Variants in INPP4B observed in about 807,000 individuals in gnomAD.
INPP4B encodes inositol polyphosphate 4-phosphatase type II.
INPP4B carries 55 observed loss-of-function variants against 122.5 expected under a neutral mutation model. That is an observed-to-expected ratio of 0.45 (90% CI 0.36 to 0.56). The LOEUF (loss-of-function observed/expected upper bound fraction) is 0.56, where lower values mean the gene tolerates loss of function less well. Ranked by LOEUF, INPP4B falls within the 20% of genes least tolerant of loss-of-function variation. The pLI, the probability that INPP4B is intolerant of heterozygous loss-of-function variation, is 0.00. For synonymous variants in INPP4B, 403 were observed against 388.7 expected (o/e 1.04, Z -0.43); for missense variants, 1,000 against 1,097.7 (o/e 0.91, Z 1.26).
intron 15 of INPP4B, among the ~76,000 whole-genome samples, chr4:142,177,734 T>C (rs2636673): frequency 0.99 from 150,419 of 152,192 alleles, 74,363 homozygotes; most frequent in East Asian, 1. Flanking sequence ...TGTGTGTATA[T>C]GTTGTTACTA....
At chr4:142,191,330 G>C (rs1227466654) in intron 15 of INPP4B, among the ~76,000 whole-genome samples, 3 of 152,178 alleles carry the variant, frequency 2.0e-5, no homozygotes, top group Admixed American at 6.5e-5. Context: ...GAAAGCCAAA[G>C]AACCTGGAAC....
chr4:142,274,990 A>G (rs575482435), intron 9 of INPP4B, among the ~76,000 whole-genome samples: 1 of 151,920 alleles, frequency 6.6e-6, no homozygotes, highest in South Asian at 2.1e-4. Context: ...AATTTCAGCA[A>G]CACAAATCTA....
intron 2 of INPP4B, among the ~76,000 whole-genome samples, chr4:142,624,201 C>T (rs1445794265): frequency 1.3e-5 from 2 of 151,972 alleles, no homozygotes; most frequent in Non-Finnish European, 2.9e-5. Flanking sequence ...TAAAGTGTTC[C>T]TATTTCTCCA....
At chr4:142,340,882 C>A (rs980972509) in intron 7 of INPP4B, among the ~76,000 whole-genome samples, 89 of 152,044 alleles carry the variant, frequency 5.9e-4, no homozygotes, top group African/African-American at 2.1e-3. Context: ...TCTTTAAGTA[C>A]CATCTGGAGA....
chr4:142,383,826 C>A, intron 7 of INPP4B: 4 of 446,982 alleles, frequency 8.9e-6, no homozygotes, highest in South Asian at 4.9e-5. Flanking sequence ...TATAGAGGAC[C>A]TTGACTTTAT....
chr4:142,324,803 G>A (rs920018689), intron 7 of INPP4B, among the ~76,000 whole-genome samples: 3 of 152,016 alleles, frequency 2.0e-5, no homozygotes, highest in African/African-American at 7.3e-5. Flanking sequence ...CTTTGACCTG[G>A]TTCTCCAGCC....
chr4:142,243,694 A>G (rs1412867919), intron 11 of INPP4B, among the ~76,000 whole-genome samples: 1 of 152,184 alleles, frequency 6.6e-6, no homozygotes, highest in Non-Finnish European at 1.5e-5. Flanking sequence ...ATAGGAAAAA[A>G]TTTGGCATTT....
Position 142,502,309 on chromosome 4 carries a change from A to T in INPP4B, c.-190-39583T>A, listed in dbSNP as rs556146409. On this transcript the variant is annotated intron_variant, in intron 2 of 25. Transcript: ENST00000262992. ...CAGAGCTAACATTCTTTTCTGCTGAACCCAAATTTTTAGCCTTAGCCTTGA... is the reference window on the plus strand; with the variant it reads ...CAGAGCTAACATTCTTTTCTGCTGATCCCAAATTTTTAGCCTTAGCCTTGA... 2.3e-3 allele frequency among the ~76,000 whole-genome samples: 344 copies of T among 152,180 alleles called. 2 individuals carry two copies. Among genetic ancestry groups the T allele is most frequent in the Non-Finnish European group, 3.7e-3 (253 of 67,998 alleles).
chr4:142,446,804 A>G (rs565719268), intron 3 of INPP4B, among the ~76,000 whole-genome samples: 1 of 152,206 alleles, frequency 6.6e-6, no homozygotes, highest in African/African-American at 2.4e-5. Flanking sequence ...TAAACACTGT[A>G]AAACAATACT....
At chr4:142,604,346 C>T (rs1319458970) in intron 2 of INPP4B, among the ~76,000 whole-genome samples, 1 of 152,032 alleles carries the variant, frequency 6.6e-6, no homozygotes, top group East Asian at 1.9e-4. Flanking sequence ...TTTACTACTC[C>T]TATTTATCAT....
chr4:142,546,711 T>C (rs543127684), intron 2 of INPP4B, among the ~76,000 whole-genome samples: 2 of 152,228 alleles, frequency 1.3e-5, no homozygotes, highest in South Asian at 4.1e-4. Flanking sequence ...CAAAGTAGAG[T>C]CTTCATATTG....
At chr4:142,553,961 TG>T (rs1326458039) in intron 2 of INPP4B, among the ~76,000 whole-genome samples, 1 of 151,954 alleles carries the variant, frequency 6.6e-6, no homozygotes, top group African/African-American at 2.4e-5. Flanking sequence ...GAGGCCGAAG[TG>T]GGCAGATCAC....
chr4:142,667,539 A>C (rs1756311338), intron 2 of INPP4B, among the ~76,000 whole-genome samples: 1 of 152,178 alleles, frequency 6.6e-6, no homozygotes, highest in Admixed American at 6.5e-5. Context: ...TACAAATTGC[A>C]TAGAAAAATG....
rs539728274 is a variant in INPP4B, at chr4:142,497,461, A to G, written c.-190-34735T>C. ...AATAATGAAAACCTCAAATTTATACAGAGGCAATTATGATCTCCAATACTT... is the reference window on the plus strand; with the variant it reads ...AATAATGAAAACCTCAAATTTATACGGAGGCAATTATGATCTCCAATACTT... On this transcript the variant is annotated intron_variant, in intron 2 of 25. Transcript: ENST00000262992. Among the ~76,000 whole-genome samples the G allele has an allele frequency of 2.6e-5, 4 of 152,306 alleles. No homozygotes were observed. In the East Asian group the frequency reaches 5.8e-4, roughly 22 times the overall value.
chr4:142,626,819 C>T (rs1004035579), intron 2 of INPP4B, among the ~76,000 whole-genome samples: 4 of 152,058 alleles, frequency 2.6e-5, no homozygotes, highest in Admixed American at 6.6e-5. Flanking sequence ...GTTCTTAATA[C>T]TTACTGAAAT....
chr4:142,709,659 T>C (rs1012426442), intron 2 of INPP4B, among the ~76,000 whole-genome samples: 2 of 152,172 alleles, frequency 1.3e-5, no homozygotes, highest in African/African-American at 4.8e-5. Flanking sequence ...TGGCCATGCT[T>C]CCTGTACAGC....
At chr4:142,344,040 C>A (rs1173690704) in intron 7 of INPP4B, among the ~76,000 whole-genome samples, 1 of 152,034 alleles carries the variant, frequency 6.6e-6, no homozygotes, top group Non-Finnish European at 1.5e-5. Context: ...CCTGTGCATT[C>A]AAGATGTCAC....
At chr4:142,056,812 C>G (rs1757948453) in intron 25 of INPP4B, among the ~76,000 whole-genome samples, 1 of 152,108 alleles carries the variant, frequency 6.6e-6, no homozygotes, top group South Asian at 2.1e-4. Context: ...AGGGTACATT[C>G]ATTAGCTTAG....
At chr4:142,187,263 C>G (rs1002324056) in intron 15 of INPP4B, among the ~76,000 whole-genome samples, 1 of 151,728 alleles carries the variant, frequency 6.6e-6, no homozygotes, top group African/African-American at 2.4e-5. Context: ...GTAATTTTAC[C>G]ATAATTTTTA....
Sources: gnomAD v4.1 joint callset for allele counts (sites outside exome capture counted in the v4.1 genomes callset) on GRCh38, gnomAD v4.1.1 for gene constraint, MANE v1.5 for transcripts, NCBI Gene and HGNC (gene_info 2026-07-23, HGNC 2026-07-21) for gene names.